Variants in CDC42BPA observed in about 807,000 individuals in gnomAD.
CDC42BPA encodes the protein CDC42 binding protein kinase alpha, also known as serine/threonine-protein kinase MRCK alpha.
In CDC42BPA, 80 loss-of-function variants were observed where a neutral mutation model predicts 223.5. The ratio of observed to expected loss-of-function variants is 0.36; its 90% CI spans 0.30 to 0.43. The LOEUF is 0.43. CDC42BPA is among the 20% of genes least tolerant of loss of function. CDC42BPA has a pLI of 1.00. For synonymous variants in CDC42BPA, 694 were observed against 718.6 expected, an observed-to-expected ratio of 0.97 and a Z score of 0.55; for missense variants, 1,743 against 2,099.9, an observed-to-expected ratio of 0.83 and a Z score of 3.32.
At chr1:227,081,637 A>C (rs750808176) in intron 16 of CDC42BPA, among the ~76,000 whole-genome samples, 1 of 151,926 alleles carries the variant, frequency 6.6e-6, no homozygotes, top group Non-Finnish European at 1.5e-5. Context: ...TCTTTTTAGT[A>C]GAGATGGGGT....
At chr1:227,059,631 GC>G (rs1341755527) in intron 21 of CDC42BPA, among the ~76,000 whole-genome samples, 1 of 152,122 alleles carries the variant, frequency 6.6e-6, no homozygotes, top group Non-Finnish European at 1.5e-5. Flanking sequence ...CTTTTCACTG[GC>G]CCATGTACAG....
At chr1:227,050,911 C>T (rs541074259) in intron 22 of CDC42BPA, among the ~76,000 whole-genome samples, 2 of 152,074 alleles carry the variant, frequency 1.3e-5, no homozygotes, top group Non-Finnish European at 1.5e-5. Flanking sequence ...GCAAAATTTT[C>T]GTATCTGTTT....
At chr1:227,203,741 GTT>G (rs1158900889) in intron 3 of CDC42BPA, among the ~76,000 whole-genome samples, 2 of 152,086 alleles carry the variant, frequency 1.3e-5, no homozygotes, top group African/African-American at 2.4e-5. Context: ...GTTTTCAACT[GTT>G]ATACAGTTTT....
rs114971683 is a variant in CDC42BPA at position 227,042,589 on chromosome 1, C to T, written c.3094-2353G>A. On this transcript the variant is annotated intron_variant, in intron 23 of 36. Transcript: ENST00000366766. ...AGGCCATCAATCTTTAGGTAATACA[C>T]AATAGGATTTTGTTTTTGTTTTGGT... Among the ~76,000 whole-genome samples the T allele has an allele frequency of 4.9e-3, 741 of 152,090 alleles. 2 individuals are homozygous for T. Among genetic ancestry groups the T allele is most frequent in the South Asian group, 0.015 (73 of 4,814 alleles).
At chr1:227,245,937 G>C (rs905639031) in intron 2 of CDC42BPA, among the ~76,000 whole-genome samples, 1 of 152,152 alleles carries the variant, frequency 6.6e-6, no homozygotes, top group Non-Finnish European at 1.5e-5. Context: ...GAAAAGCAGA[G>C]GGAAAAGTAA....
At chr1:227,272,638 T>C (rs1445769946) in intron 1 of CDC42BPA, among the ~76,000 whole-genome samples, 1 of 152,162 alleles carries the variant, frequency 6.6e-6, no homozygotes, top group Non-Finnish European at 1.5e-5. Flanking sequence ...CCCAGGCTGG[T>C]GTCAAACTCC....
At chr1:227,038,783 A>G (rs1670808089) in intron 24 of CDC42BPA, among the ~76,000 whole-genome samples, 1 of 152,238 alleles carries the variant, frequency 6.6e-6, no homozygotes, top group African/African-American at 2.4e-5. Flanking sequence ...ATGATCCTGA[A>G]GACAAAGCAC....
intron 15 of CDC42BPA, among the ~76,000 whole-genome samples, chr1:227,100,207 C>T (rs1253810990): frequency 6.6e-6 from 1 of 152,120 alleles, no homozygotes; most frequent in African/African-American, 2.4e-5. Flanking sequence ...CCATCCACTT[C>T]TCTCCATCTT....
chr1:227,317,677 T>C lies in CDC42BPA; in HGVS notation c.-495A>G, dbSNP rs1694620720. ...AAAGGGAGGAAAAAAACAGAATGCA[T>C]AGAAGGGGGAGGGAAAACCAAAAAT... On this transcript the variant is annotated 5_prime_UTR_variant, in exon 1 of 37. An upstream start codon of the reference 5' UTR is lost. Transcript: ENST00000366766. 2.5e-6 allele frequency: 1 copy of C among 398,422 alleles called. No homozygotes were observed. Among genetic ancestry groups the C allele is most frequent in the East Asian group, 3.6e-5 (1 of 28,056 alleles). 24.7% of individuals were successfully genotyped at this position (398,422 alleles called of 1,614,324 possible).
intron 11 of CDC42BPA, among the ~76,000 whole-genome samples, 191 bp from the exon 12 acceptor site, chr1:227,120,128 T>C (rs1416593240): frequency 1.3e-5 from 2 of 151,440 alleles, no homozygotes; most frequent in African/African-American, 4.9e-5. Flanking sequence ...GAATGGTGTA[T>C]GCCAGTGTGA....
At chr1:227,024,058 A>G (rs1402147914) in intron 31 of CDC42BPA, among the ~76,000 whole-genome samples, 1 of 152,212 alleles carries the variant, frequency 6.6e-6, no homozygotes, top group African/African-American at 2.4e-5. Context: ...AATAGGTCAC[A>G]AAGAAGAAAA....
At chr1:227,050,079 A>C (rs1054220407) in intron 22 of CDC42BPA, among the ~76,000 whole-genome samples, 1 of 152,064 alleles carries the variant, frequency 6.6e-6, no homozygotes, top group Non-Finnish European at 1.5e-5. Context: ...AATAAGCCAC[A>C]GACTGGGAGA....
chr1:227,316,686 G>A (rs1172896711), intron 1 of CDC42BPA, among the ~76,000 whole-genome samples: 1 of 152,130 alleles, frequency 6.6e-6, no homozygotes, highest in African/African-American at 2.4e-5. Flanking sequence ...CCATGTATTA[G>A]GCAACTGTAA....
At chr1:227,213,778 CAT>C (rs1020464890) in intron 2 of CDC42BPA, among the ~76,000 whole-genome samples, 33 of 152,042 alleles carry the variant, frequency 2.2e-4, no homozygotes, top group African/African-American at 7.7e-4. Flanking sequence ...TATACATACG[CAT>C]AGAGAGCAAT....
At chr1:227,229,614 A>C (rs1432893661) in intron 2 of CDC42BPA, among the ~76,000 whole-genome samples, 1 of 152,170 alleles carries the variant, frequency 6.6e-6, no homozygotes, top group East Asian at 1.9e-4. Context: ...CCATCTTAAA[A>C]ATATTGTCTT....
intron 1 of CDC42BPA, among the ~76,000 whole-genome samples, chr1:227,298,463 C>T (rs1293037836): frequency 6.6e-6 from 1 of 151,926 alleles, no homozygotes; most frequent in Non-Finnish European, 1.5e-5. Context: ...GGTGCTATAA[C>T]CTAAAAACTC....
At chr1:227,156,062 C>A (rs1662687501) in intron 6 of CDC42BPA, among the ~76,000 whole-genome samples, 1 of 151,786 alleles carries the variant, frequency 6.6e-6, no homozygotes, top group South Asian at 2.1e-4. Flanking sequence ...AAAAATAAGA[C>A]AATAAAATCT....
chr1:227,004,918 C>G, intron 35 of CDC42BPA, 76 bp downstream of exon 35: 2 of 966,162 alleles, frequency 2.1e-6, no homozygotes, highest in Non-Finnish European at 3.4e-6. Flanking sequence ...AAGGACATGT[C>G]ACCCACGGGA....
intron 23 of CDC42BPA, among the ~76,000 whole-genome samples, chr1:227,046,001 T>G (rs12129006): frequency 0.2 from 31,025 of 151,924 alleles, 3,272 homozygotes; most frequent in Middle Eastern, 0.26. Flanking sequence ...AGACAGGGTT[T>G]TGCCATGCTG....
Sources: gnomAD v4.1 joint callset for allele counts (sites outside exome capture counted in the v4.1 genomes callset) on GRCh38, gnomAD v4.1.1 for gene constraint, MANE v1.5 for transcripts, NCBI Gene and HGNC (gene_info 2026-07-23, HGNC 2026-07-21) for gene names.